Variants in RNF11 observed in about 807,000 individuals in gnomAD.
RNF11 encodes the protein ring finger protein 11.
Under a neutral mutation model 15.8 loss-of-function variants are expected in RNF11, and 4 were observed. That is an observed-to-expected ratio of 0.25 (90% CI 0.12 to 0.58). RNF11 has a LOEUF of 0.58. Ranked by LOEUF, RNF11 falls within the 20% of genes least tolerant of loss-of-function variation. The pLI is 0.91. For missense variants in RNF11, 139 were observed against 194.4 expected (o/e 0.71, Z 1.70); for synonymous variants, 68 against 72.3 (o/e 0.94, Z 0.30).
rs1646935756 is a variant in RNF11, at chr1:51,262,636, T to C, written c.124-7320T>C. 2.6e-5 allele frequency among the ~76,000 whole-genome samples: 4 copies of C among 151,064 alleles called. No individual in the cohort carries two copies. The South Asian group carries it at 8.4e-4, about 32-fold the overall frequency. ...AATCTTGGCTTATTGCAATGCCACC[T>C]CCCAGGTTCAAGCAGTTCTTGTGCG... On this transcript the variant is annotated intron_variant, in intron 1 of 2. Transcript: ENST00000242719.
rs1178446341 is a variant in RNF11, at chr1:51,272,291, C to T, written c.*969C>T. 2 of 152,594 alleles carry T rather than the reference C, an allele frequency of 1.3e-5. No individual in the cohort carries two copies. The highest frequency in any genetic ancestry group is 2.9e-5 in the Non-Finnish European group (2 of 68,022). The allele number at this position is 152,594 out of a possible 1,614,324, so 9.5% of individuals were successfully genotyped here. A position where few individuals can be genotyped will look rare whatever the true frequency, so the allele number is the denominator to read the frequency against. ...TGATTTATTCTCTTTCTTCTGACCT[C>T]CTTGCCTCTTGTCTTGAACCATAGC... On this transcript the variant is annotated 3_prime_UTR_variant, in exon 3 of 3. Coordinates refer to ENST00000242719, the MANE Select transcript of RNF11 (RefSeq NM_014372.5).
At chr1:51,258,424 A>G (rs1056160277) in intron 1 of RNF11, among the ~76,000 whole-genome samples, 1 of 152,198 alleles carries the variant, frequency 6.6e-6, no homozygotes, top group African/African-American at 2.4e-5. Flanking sequence ...ATAATACACT[A>G]GATTTGGCTC....
rs1037919927 is a variant in RNF11, at chr1:51,236,504, C to A, written c.-253C>A. 1.7e-4 allele frequency: 23 copies of A among 137,234 alleles called. No individual in the cohort carries two copies. Among genetic ancestry groups the A allele is most frequent in the African/African-American group, 4.7e-4 (18 of 37,966 alleles). 8.5% of individuals were successfully genotyped at this position (137,234 alleles called of 1,614,324 possible). A position where few individuals can be genotyped will look rare whatever the true frequency, so the allele number is the denominator to read the frequency against. On this transcript the variant is annotated 5_prime_UTR_variant, in exon 1 of 3. Coordinates refer to ENST00000242719, the MANE Select transcript of RNF11 (RefSeq NM_014372.5). ...GGAAGTGCTTCGTCTCCCCGCCCCC[C>A]CCCCCCCATCGCTGCCTCGCAGGAG...
Position 51,250,600 on chromosome 1 carries a change from A to G in RNF11, c.123+13721A>G, listed in dbSNP as rs145352378. 94 of 666,316 alleles carry G rather than the reference A, an allele frequency of 1.4e-4. 1 individual carries two copies. Among genetic ancestry groups the G allele is most frequent in the African/African-American group, 7.1e-4 (39 of 55,286 alleles). The allele number at this position is 666,316 out of a possible 1,614,324, so 41.3% of individuals were successfully genotyped here. On this transcript the variant is annotated intron_variant, in intron 1 of 2. Transcript: ENST00000242719. ...TTTATTTTCCTTGTCTAAAAACCCT[A>G]TGTTGTAGCCACAGCTGGAGCCTGG...
chr1:51,267,378 G>A (rs1476309262), intron 1 of RNF11, among the ~76,000 whole-genome samples: 1 of 152,202 alleles, frequency 6.6e-6, no homozygotes, highest in Non-Finnish European at 1.5e-5. Context: ...TGATTCAATA[G>A]GAGGGCTCTT....
At chr1:51,258,344 A>T (rs1352567356) in intron 1 of RNF11, among the ~76,000 whole-genome samples, 1 of 152,212 alleles carries the variant, frequency 6.6e-6, no homozygotes, top group East Asian at 1.9e-4. Context: ...GTTGGGCAGT[A>T]GAGCAGGGCA....
intron 1 of RNF11, among the ~76,000 whole-genome samples, chr1:51,262,901 T>A (rs1023281036): frequency 2.0e-5 from 3 of 152,070 alleles, no homozygotes; most frequent in African/African-American, 7.2e-5. Context: ...TAATTTGCTA[T>A]CAGAGAGGGC....
intron 1 of RNF11, among the ~76,000 whole-genome samples, chr1:51,249,645 A>C (rs1273166157): frequency 2.0e-5 from 3 of 152,220 alleles, no homozygotes; most frequent in African/African-American, 7.2e-5. Flanking sequence ...AGTAGTTCAC[A>C]TTCTTTTTCA....
chr1:51,237,480 CCCT>C (rs1646810430), intron 1 of RNF11, among the ~76,000 whole-genome samples: 1 of 147,538 alleles, frequency 6.8e-6, no homozygotes, highest in East Asian at 2.0e-4. Context: ...AAATTTTAAT[CCCT>C]CCTCTTTTTG....
At chr1:51,243,338 A>C (rs774067016) in intron 1 of RNF11, among the ~76,000 whole-genome samples, 1 of 152,354 alleles carries the variant, frequency 6.6e-6, no homozygotes. Flanking sequence ...TTACAGCAAC[A>C]TAATTGATGT....
At chr1:51,267,062 G>A (rs936511660) in intron 1 of RNF11, among the ~76,000 whole-genome samples, 1 of 152,078 alleles carries the variant, frequency 6.6e-6, no homozygotes, top group Non-Finnish European at 1.5e-5. Flanking sequence ...CCTGGTCAGC[G>A]AGACACTGTT....
intron 1 of RNF11, among the ~76,000 whole-genome samples, chr1:51,253,464 A>G (rs1646890167): frequency 1.3e-5 from 2 of 151,154 alleles, no homozygotes; most frequent in African/African-American, 4.9e-5. Context: ...TCGAGGTAAC[A>G]GTGAGATATG....
rs1479225710 is a variant in RNF11 at position 51,252,087 on chromosome 1, A to G, written c.123+15208A>G. Among the ~76,000 whole-genome samples, 6 of 150,272 alleles carry G rather than the reference A, an allele frequency of 4.0e-5. No individual in the cohort carries two copies. The East Asian group carries it at 9.6e-4, about 24-fold the overall frequency. On this transcript the variant is annotated intron_variant, in intron 1 of 2. Transcript: ENST00000242719. ...GCAAGACTCCATCTCAAAGCAAAAA[A>G]AAAAAAAAAAAAAAAGAAACAGAAA... is the stretch of plus-strand genomic sequence containing the variant.
chr1:51,240,422 A>T (rs906476980), intron 1 of RNF11, among the ~76,000 whole-genome samples: 7 of 151,978 alleles, frequency 4.6e-5, no homozygotes, highest in African/African-American at 1.7e-4. Context: ...TGCCCTAATA[A>T]CCTGGAAGTC....
intron 1 of RNF11, among the ~76,000 whole-genome samples, chr1:51,237,343 G>A (rs1646808605): frequency 6.6e-6 from 1 of 150,722 alleles, no homozygotes; most frequent in Admixed American, 6.6e-5. Flanking sequence ...ATTGGATCTG[G>A]CAGGTTTTCC....
At chr1:51,243,588 G>A (rs1489072777) in intron 1 of RNF11, among the ~76,000 whole-genome samples, 6 of 152,026 alleles carry the variant, frequency 3.9e-5, no homozygotes, top group Admixed American at 6.6e-5. Context: ...ACAGGCATGC[G>A]CCACCACACC....
At chr1:51,242,794 A>G (rs1187345474) in intron 1 of RNF11, among the ~76,000 whole-genome samples, 1 of 152,168 alleles carries the variant, frequency 6.6e-6, no homozygotes, top group Non-Finnish European at 1.5e-5. Context: ...TTTCCTGATA[A>G]CTTACGAAGT....
intron 1 of RNF11, among the ~76,000 whole-genome samples, chr1:51,269,438 G>T (rs1646968957): frequency 6.6e-6 from 1 of 152,234 alleles, no homozygotes; most frequent in East Asian, 1.9e-4. Flanking sequence ...CTCAAAAAAA[G>T]GTGGGGGTTA....
intron 1 of RNF11, among the ~76,000 whole-genome samples, chr1:51,247,819 A>G (rs142956353): frequency 1.3e-5 from 2 of 152,318 alleles, no homozygotes; most frequent in Non-Finnish European, 2.9e-5. Context: ...TAGAAAGCAT[A>G]CTGTAAGGTA....
Sources: gnomAD v4.1 joint callset for allele counts (sites outside exome capture counted in the v4.1 genomes callset) on GRCh38, gnomAD v4.1.1 for gene constraint, MANE v1.5 for transcripts, NCBI Gene and HGNC (gene_info 2026-07-23, HGNC 2026-07-21) for gene names.